SH3PXD2B: variants seen among roughly 807,000 people sequenced by gnomAD.
SH3PXD2B encodes the protein SH3 and PX domain-containing protein 2B.
In SH3PXD2B, 37 loss-of-function variants were observed where a neutral mutation model predicts 73.1. That is an observed-to-expected ratio of 0.51 (90% CI 0.39 to 0.67). The LOEUF is 0.67. Ranked by LOEUF, SH3PXD2B falls within the 30% of genes least tolerant of loss-of-function variation. The probability of loss-of-function intolerance (pLI) is 0.00; values close to 1 mark genes in which losing one functional copy is unlikely to be tolerated. For missense variants in SH3PXD2B, 1,053 were observed against 1,197.8 expected (o/e 0.88, Z 1.78); for synonymous variants, 457 against 480.5 (o/e 0.95, Z 0.64).
In SH3PXD2B at chr5:172,334,983, T is replaced by C. The variant is rs1311004003; in HGVS notation, c.*3386A>G. On this transcript the variant is annotated 3_prime_UTR_variant, in exon 13 of 13. Transcript: ENST00000311601. ...CGTAACCTGGCATGGGCTCCAGCGA[T>C]CCCCCAGTAGGGAAGGGCCATTAAA... The C allele has an allele frequency of 1.5e-5, 15 of 985,224 alleles. No homozygotes were observed. The highest frequency in any genetic ancestry group is 1.7e-5 in the Non-Finnish European group (14 of 829,942). The allele number at this position is 985,224 out of a possible 1,614,324, so 61.0% of individuals were successfully genotyped here.
chr5:172,365,732 G>A (rs1581277710), intron 6 of SH3PXD2B, among the ~76,000 whole-genome samples: 1 of 152,296 alleles, frequency 6.6e-6, no homozygotes, highest in South Asian at 2.1e-4. Flanking sequence ...GCTTCTTGAG[G>A]GCAGTGGCCT....
chr5:172,381,656 T>G (rs1410271564), intron 5 of SH3PXD2B, among the ~76,000 whole-genome samples: 2 of 152,010 alleles, frequency 1.3e-5, no homozygotes, highest in African/African-American at 4.8e-5. Context: ...TTGGTTTGGG[T>G]TGCTCCCGCA....
In SH3PXD2B at chr5:172,352,482, T is replaced by A. The variant is rs546927846; in HGVS notation, c.785+1406A>T. Reference sequence around the variant, plus strand: ...CCTCAAGTGATCCTCCTGCCTTACCTCCTCAAGTACTGGGATTACAGGCAT... The same window carrying A: ...CCTCAAGTGATCCTCCTGCCTTACCACCTCAAGTACTGGGATTACAGGCAT... On this transcript the variant is annotated intron_variant, in intron 9 of 12. Transcript: ENST00000311601. Among the ~76,000 whole-genome samples the A allele has an allele frequency of 5.8e-4, 89 of 152,258 alleles. No individual in the cohort carries two copies. The South Asian group carries it at 6.0e-3, about 10-fold the overall frequency.
intron 4 of SH3PXD2B, among the ~76,000 whole-genome samples, chr5:172,382,885 T>C (rs1213608073): frequency 6.7e-6 from 1 of 150,334 alleles, no homozygotes; most frequent in East Asian, 1.9e-4. Flanking sequence ...TGTGCTACCA[T>C]GCCTGGCTAA....
chr5:172,436,935 AC>A (rs1392148251), intron 1 of SH3PXD2B, among the ~76,000 whole-genome samples: 2 of 152,042 alleles, frequency 1.3e-5, no homozygotes, highest in Non-Finnish European at 2.9e-5. Flanking sequence ...GAATCCACAG[AC>A]CCCAGTTTCA....
chr5:172,330,996 A>G (rs2113221963), downstream of SH3PXD2B, among the ~76,000 whole-genome samples: 1 of 152,304 alleles, frequency 6.6e-6, no homozygotes, highest in South Asian at 2.1e-4. Context: ...AGAGTTCATG[A>G]CCAGCCTGGC....
intron 3 of SH3PXD2B, among the ~76,000 whole-genome samples, chr5:172,400,141 C>T (rs1314068775): frequency 6.6e-6 from 1 of 152,186 alleles, no homozygotes; most frequent in Non-Finnish European, 1.5e-5. Flanking sequence ...CGGCCTCTCC[C>T]TTTCTCCTTT....
intron 7 of SH3PXD2B, among the ~76,000 whole-genome samples, chr5:172,361,571 C>A (rs1296774355): frequency 6.6e-6 from 1 of 152,140 alleles, no homozygotes; most frequent in African/African-American, 2.4e-5. Flanking sequence ...CCTGTCTTTA[C>A]GTCCCCATGG....
intron 4 of SH3PXD2B, among the ~76,000 whole-genome samples, chr5:172,392,176 G>A (rs1283239195): frequency 6.6e-6 from 1 of 151,928 alleles, no homozygotes; most frequent in East Asian, 1.9e-4. Flanking sequence ...TCTTTAAAGA[G>A]GTAATTTAAA....
intron 1 of SH3PXD2B, among the ~76,000 whole-genome samples, chr5:172,447,009 G>A (rs1759679975): frequency 6.6e-6 from 1 of 152,212 alleles, no homozygotes; most frequent in Non-Finnish European, 1.5e-5. Context: ...GCCTGCCTCA[G>A]GAGGACAGGA....
At chr5:172,354,997 C>T (rs2113300823) in intron 8 of SH3PXD2B, among the ~76,000 whole-genome samples, 1 of 152,292 alleles carries the variant, frequency 6.6e-6, no homozygotes, top group Non-Finnish European at 1.5e-5. Context: ...GAACAGCTCC[C>T]ACCCCCAGTG....
chr5:172,348,654 CCTATCTATCTAT>C (rs55939833), intron 10 of SH3PXD2B, among the ~76,000 whole-genome samples: 1,027 of 60,398 alleles, frequency 0.017, 9 homozygotes, highest in East Asian at 0.045. Context: ...ATCTATCTAT[CCTATCTATCTAT>C]CTATCTATCT....
intron 8 of SH3PXD2B, among the ~76,000 whole-genome samples, chr5:172,354,902 C>T (rs1002668916): frequency 3.9e-5 from 6 of 152,210 alleles, no homozygotes; most frequent in Non-Finnish European, 5.9e-5. Flanking sequence ...CCAGCTGCGT[C>T]CCTCCCACAG....
In SH3PXD2B at chr5:172,441,775, A is replaced by G. The variant is rs146677392; in HGVS notation, c.75+12503T>C. Among the ~76,000 whole-genome samples, 862 of 152,176 alleles carry G rather than the reference A, an allele frequency of 5.7e-3. 11 individuals are homozygous for G. Among genetic ancestry groups the G allele is most frequent in the African/African-American group, 0.02 (826 of 41,510 alleles). The stretch of plus-strand genomic sequence containing the variant: ...CAGGACAAGGAGAAGAGAACTAGAT[A>G]GGAATGTAAAGGGAGTATGCTCTCA... On this transcript the variant is annotated intron_variant, in intron 1 of 12. Coordinates refer to ENST00000311601, the MANE Select transcript of SH3PXD2B (RefSeq NM_001017995.3).
At chr5:172,395,079 T>G (rs747561380) in intron 3 of SH3PXD2B, among the ~76,000 whole-genome samples, 1 of 152,148 alleles carries the variant, frequency 6.6e-6, no homozygotes, top group Non-Finnish European at 1.5e-5. Flanking sequence ...CTCTGCCTTT[T>G]CCTCATGTTC....
chr5:172,378,354 C>T (rs1757865911), intron 5 of SH3PXD2B, among the ~76,000 whole-genome samples: 1 of 152,206 alleles, frequency 6.6e-6, no homozygotes, highest in East Asian at 1.9e-4. Flanking sequence ...CACCTCAGGT[C>T]CATGTACAGG....
At chr5:172,447,063 G>A (rs913640532) in intron 1 of SH3PXD2B, among the ~76,000 whole-genome samples, 1 of 152,100 alleles carries the variant, frequency 6.6e-6, no homozygotes, top group Non-Finnish European at 1.5e-5. Flanking sequence ...TGGGGATCTG[G>A]CTGGAGCTGC....
At chr5:172,410,149 G>A (rs972133073) in intron 2 of SH3PXD2B, among the ~76,000 whole-genome samples, 1 of 152,178 alleles carries the variant, frequency 6.6e-6, no homozygotes, top group Non-Finnish European at 1.5e-5. Context: ...CTTTCCTTTG[G>A]ATAAATGCCT....
At chr5:172,360,501 G>A (rs1197585493) in intron 7 of SH3PXD2B, among the ~76,000 whole-genome samples, 4 of 152,160 alleles carry the variant, frequency 2.6e-5, no homozygotes. Context: ...CCACTGTTTT[G>A]GAAGCAGACA....
Sources: gnomAD v4.1 joint callset for allele counts (sites outside exome capture counted in the v4.1 genomes callset) on GRCh38, gnomAD v4.1.1 for gene constraint, MANE v1.5 for transcripts, NCBI Gene and HGNC (gene_info 2026-07-23, HGNC 2026-07-21) for gene names.